Variants in ARRDC1 observed in about 807,000 individuals in gnomAD.
The protein encoded by ARRDC1 is arrestin domain-containing protein 1.
Under a neutral mutation model 40.1 loss-of-function variants are expected in ARRDC1, and 37 were observed. That is an observed-to-expected ratio of 0.92 (90% confidence interval 0.71 to 1.21). ARRDC1 has a LOEUF of 1.21. Among genes scored for constraint, ARRDC1 ranks in the 50% most tolerant of loss-of-function variants. The probability of loss-of-function intolerance (pLI) is 0.00; values close to 1 mark genes in which losing one functional copy is unlikely to be tolerated. For missense variants in ARRDC1, 641 were observed against 581.9 expected, an observed-to-expected ratio of 1.10 and a Z score of -1.04; for synonymous variants, 310 against 262.5, an observed-to-expected ratio of 1.18 and a Z score of -1.75.
rs192939150 is a variant in ARRDC1, at chr9:137,613,567, T to C, written c.281-48T>C. The C allele has an allele frequency of 5.2e-3, 8,458 of 1,614,042 alleles. 38 individuals carry two copies. The highest frequency in any genetic ancestry group is 6.0e-3 in the Non-Finnish European group (7,068 of 1,179,996). ...GACCAACTGGTCCTGGGAGGTGGGC[T>C]CTGCAGGGTGGAAGGCAGCCAGGTA... On this transcript the variant is annotated intron_variant, in intron 3 of 7. Transcript: ENST00000371421.
At chr9:137,608,819 G>T (rs553223401) in intron 1 of ARRDC1, among the ~76,000 whole-genome samples, 1 of 152,354 alleles carries the variant, frequency 6.6e-6, no homozygotes, top group Admixed American at 6.5e-5. Flanking sequence ...TGAGGAGTGT[G>T]TGGGGCAGCT....
At chr9:137,611,132 C>G (rs1030723572) in intron 1 of ARRDC1, among the ~76,000 whole-genome samples, 7 of 152,216 alleles carry the variant, frequency 4.6e-5, no homozygotes, top group African/African-American at 1.7e-4. Context: ...CCTGCTCATG[C>G]CCATGTGCTT....
rs914675140 is a variant in ARRDC1 at position 137,613,663 on chromosome 9, A to G, written c.329A>G (p.Gln110Arg). 11 of 1,614,024 alleles carry G rather than the reference A, an allele frequency of 6.8e-6. No individual in the cohort carries two copies. In the Admixed American group the frequency reaches 1.3e-4, roughly 20 times the overall value. Residue 110 changes from glutamine to arginine, a missense_variant, in exon 4 of 8, where the codon CAG (glutamine) becomes CGG (arginine). Transcript: ENST00000371421. ...FEGPFGKIVHQVRAAIHTPRF... is the reference protein window; with the variant it reads ...FEGPFGKIVHRVRAAIHTPRF... ...GGTCCTTTCGGGAAGATCGTGCACC[A>G]GGTGAGGGCCGCCATCCACACGCCA...
intron 1 of ARRDC1, among the ~76,000 whole-genome samples, chr9:137,607,230 G>A (rs535592846): frequency 6.6e-6 from 1 of 152,230 alleles, no homozygotes; most frequent in East Asian, 1.9e-4. Context: ...CGGGGCCCCC[G>A]GGGGTTTCCC....
intron 1 of ARRDC1, among the ~76,000 whole-genome samples, chr9:137,610,639 C>A (rs1842498480): frequency 6.6e-6 from 1 of 152,110 alleles, no homozygotes; most frequent in African/African-American, 2.4e-5. Flanking sequence ...TCTCGGCTCA[C>A]TGCAACCTCC....
chr9:137,607,656 G>A (rs955634987), intron 1 of ARRDC1, among the ~76,000 whole-genome samples: 9 of 152,214 alleles, frequency 5.9e-5, no homozygotes, highest in Non-Finnish European at 1.2e-4. Flanking sequence ...AACCCTCAGC[G>A]CCCTGGCAAG....
intron 1 of ARRDC1, among the ~76,000 whole-genome samples, chr9:137,610,735 G>A (rs532458118): frequency 5.3e-5 from 8 of 152,288 alleles, no homozygotes; most frequent in African/African-American, 1.7e-4. Context: ...AGCTAATTTC[G>A]TATTTCTAGT....
chr9:137,606,551 G>C (rs1842426882), intron 1 of ARRDC1, among the ~76,000 whole-genome samples: 1 of 152,378 alleles, frequency 6.6e-6, no homozygotes, highest in East Asian at 1.9e-4. Flanking sequence ...GTGGGTAACA[G>C]CACCGATTTT....
chr9:137,611,042 C>T (rs1298943860), intron 1 of ARRDC1, among the ~76,000 whole-genome samples: 1 of 152,244 alleles, frequency 6.6e-6, no homozygotes, highest in Non-Finnish European at 1.5e-5. Flanking sequence ...TGCAGTCTGT[C>T]AGGAGTGTTA....
Position 137,614,983 on chromosome 9 carries a change from C to T in ARRDC1, c.1220C>T (p.Ser407Phe). ...STLILPPEYS[S>F]WGYPYEAPPS... ...TTGATTCTTCCTCCAGAGTACAGTT[C>T]TTGGGGCTACCCCTATGGTGAGTCG... Residue 407 changes from serine (S) to phenylalanine (F), a missense_variant, in exon 7 of 8, where the codon TCT becomes TTT. By Grantham distance (155) the Ser-to-Phe change is radical. Coordinates refer to ENST00000371421, the MANE Select transcript of ARRDC1 (RefSeq NM_152285.4). 1 of 1,613,666 alleles carries T rather than the reference C, an allele frequency of 6.2e-7. No individual in the cohort carries two copies.
rs759881692 is a variant in ARRDC1 at position 137,613,690 on chromosome 9, G to C, written c.356G>C (p.Arg119Pro). The C allele has an allele frequency of 6.2e-7, 1 of 1,614,076 alleles. No individual in the cohort carries two copies. The highest frequency in any genetic ancestry group is 1.3e-5 in the African/African-American group (1 of 74,942). Reference sequence around the variant, plus strand: ...GTGAGGGCCGCCATCCACACGCCACGGTTTTCCAAGGATCACAAGTGCAGC... The same window carrying C: ...GTGAGGGCCGCCATCCACACGCCACCGTTTTCCAAGGATCACAAGTGCAGC... ...HQVRAAIHTPRFSKDHKCSLV... is the reference protein window; with the variant it reads ...HQVRAAIHTPPFSKDHKCSLV... The change falls in exon 4 of 8, where the codon CGG becomes CCG. Residue 119 changes from arginine (R) to proline (P), a missense_variant. Transcript: ENST00000371421.
At chr9:137,606,114 GCCTGC>G (rs1241975933) in intron 1 of ARRDC1, among the ~76,000 whole-genome samples, 1 of 151,518 alleles carries the variant, frequency 6.6e-6, no homozygotes, top group Non-Finnish European at 1.5e-5. Context: ...GCGCACGCAG[GCCTGC>G]GACCCTCCCC....
At chr9:137,610,806 G>T (rs1240263198) in intron 1 of ARRDC1, among the ~76,000 whole-genome samples, 1 of 151,896 alleles carries the variant, frequency 6.6e-6, no homozygotes, top group Non-Finnish European at 1.5e-5. Flanking sequence ...CAGGTGATCT[G>T]CCTGCCTTGG....
At position 137,613,519 on chromosome 9, in the gene ARRDC1, C is replaced by A; in HGVS notation, c.280+9C>A. ...CCAGTTCCTGCTTCCTGGTGAGAGC[C>A]CAGCCTGGACAGGCCTGGTGATGAC... On this transcript the variant is annotated intron_variant, in intron 3 of 7. Transcript: ENST00000371421. 6.2e-7 allele frequency: 1 copy of A among 1,613,858 alleles called. No individual in the cohort carries two copies. The highest frequency in any genetic ancestry group is 1.3e-5 in the African/African-American group (1 of 75,048).
At chr9:137,606,480 C>G (rs1842425784) in intron 1 of ARRDC1, among the ~76,000 whole-genome samples, 1 of 152,272 alleles carries the variant, frequency 6.6e-6, no homozygotes, top group African/African-American at 2.4e-5. Flanking sequence ...ACCACCTGGG[C>G]TGCTTGGCCT....
chr9:137,615,017 G>A lies in ARRDC1; in HGVS notation c.1237+17G>A, dbSNP rs912081718. 3 of 1,612,680 alleles carry A rather than the reference G, an allele frequency of 1.9e-6. No individual in the cohort carries two copies. The highest frequency in any genetic ancestry group is 3.3e-5 in the Admixed American group (2 of 59,944). On this transcript the variant is annotated intron_variant, in intron 7 of 7. Coordinates refer to ENST00000371421, the MANE Select transcript of ARRDC1 (RefSeq NM_152285.4). ...ACCCCTATGGTGAGTCGACAGCCAG[G>A]GCTTGGCAGGGAGGGGACGCCAAGA... is the stretch of plus-strand genomic sequence containing the variant.
Position 137,605,776 on chromosome 9 carries a change from C to A in ARRDC1, c.59C>A (p.Pro20His). 7.4e-7 allele frequency: 1 copy of A among 1,349,518 alleles called. No homozygotes were observed. Among genetic ancestry groups the A allele is most frequent in the Non-Finnish European group, 9.5e-7 (1 of 1,048,998 alleles). The allele number at this position is 1,349,518 out of a possible 1,614,324, so 83.6% of individuals were successfully genotyped here. The change falls in exon 1 of 8, where the codon CCC becomes CAC. Residue 20 changes from proline to histidine, a missense_variant. By Grantham distance (77) the Pro-to-His change is moderately conservative. Transcript: ENST00000371421. ...AGCCACGGCCGCGTCGTCTACAGCC[C>A]CGGGGAGCCGTTGGCTGGGACCGTG... ...SLSHGRVVYSPGEPLAGTVRV... is the reference protein window; with the variant it reads ...SLSHGRVVYSHGEPLAGTVRV...
At position 137,615,090 on chromosome 9, in the gene ARRDC1, T is replaced by G. The variant is rs569374739; in HGVS notation, c.1254T>G (p.Tyr418Ter). The G allele has an allele frequency of 1.8e-5, 29 of 1,580,954 alleles. No homozygotes were observed. The highest frequency in any genetic ancestry group is 3.5e-5 in the South Asian group (3 of 86,742). ...TTCCCGCAGAGGCCCCACCGTCTTATGAGCAGAGCTGCGGCGGCGTGGAAC... is the reference window on the plus strand; with the variant it reads ...TTCCCGCAGAGGCCCCACCGTCTTAGGAGCAGAGCTGCGGCGGCGTGGAAC... ...WGYPYEAPPSYEQSCGGVEPS... is the reference protein window; with the variant it reads ...WGYPYEAPPS The change falls in exon 8 of 8, where the codon TAT (tyrosine) becomes TAG (stop). Residue 418 changes from tyrosine to a stop codon, truncating the protein, a stop_gained. Coordinates refer to ENST00000371421, the MANE Select transcript of ARRDC1 (RefSeq NM_152285.4). LOFTEE classifies it high-confidence loss of function.
rs774064664 is a variant in ARRDC1, at chr9:137,612,985, T to C, written c.208T>C (p.Ser70Pro). 3 of 1,614,020 alleles carry C rather than the reference T, an allele frequency of 1.9e-6. No individual in the cohort carries two copies. The highest frequency in any genetic ancestry group is 2.5e-6 in the Non-Finnish European group (3 of 1,179,918). Reference sequence around the variant, plus strand: ...AGTGGAGGAGGGTTACTTCAACAGTTCCCTGTCGCTGGCAGACAAGGGTAA... The same window carrying C: ...AGTGGAGGAGGGTTACTTCAACAGTCCCCTGTCGCTGGCAGACAAGGGTAA... ...WVVEEGYFNS[S>P]LSLADKGSLP... Residue 70 changes from serine (S) to proline (P), a missense_variant, in exon 2 of 8, where the codon TCC (serine) becomes CCC (proline). Coordinates refer to ENST00000371421, the MANE Select transcript of ARRDC1 (RefSeq NM_152285.4).
Sources: allele counts gnomAD v4.1 joint callset (sites outside exome capture counted in the v4.1 genomes callset), GRCh38; gene constraint gnomAD v4.1.1; transcripts MANE v1.5; gene names NCBI Gene and HGNC (gene_info 2026-07-23, HGNC 2026-07-21).